VPS50: variants seen among roughly 807,000 people sequenced by gnomAD.
The protein encoded by VPS50 is VPS50 subunit of EARP/GARPII complex.
VPS50 carries 70 observed loss-of-function variants against 139.7 expected under a neutral mutation model. The observed-to-expected ratio is 0.50, with a 90% confidence interval of 0.41 to 0.61. VPS50 has a LOEUF of 0.61. Ranked by LOEUF, VPS50 falls within the 20% of genes least tolerant of loss-of-function variation. The pLI, the probability that VPS50 is intolerant of heterozygous loss-of-function variation, is 0.00. For missense variants in VPS50, 921 were observed against 1,133.7 expected (o/e 0.81, Z 2.69); for synonymous variants, 365 against 376.7 (o/e 0.97, Z 0.36).
chr7:93,318,932 A>G (rs1176795358), intron 20 of VPS50, among the ~76,000 whole-genome samples: 1 of 152,066 alleles, frequency 6.6e-6, no homozygotes, highest in Non-Finnish European at 1.5e-5. Flanking sequence ...ATTTAAGAAA[A>G]TATTTATTTT....
At chr7:93,357,071 G>A (rs1260829862) in intron 27 of VPS50, among the ~76,000 whole-genome samples, 1 of 152,086 alleles carries the variant, frequency 6.6e-6, no homozygotes, top group African/African-American at 2.4e-5. Context: ...ACTTCACCAC[G>A]TTTAGCCCCA....
At chr7:93,276,111 A>C (rs1190877906) in intron 11 of VPS50, 54 bp from the exon 12 acceptor site, 1 of 1,467,122 alleles carries the variant, frequency 6.8e-7, no homozygotes. Flanking sequence ...ATTTGTTGAA[A>C]TTTATTTATT....
chr7:93,237,749 T>A (rs189086415), intron 1 of VPS50, among the ~76,000 whole-genome samples: 6 of 152,256 alleles, frequency 3.9e-5, no homozygotes, highest in African/African-American at 9.6e-5. Flanking sequence ...GGTTTAAAAA[T>A]TTTTTTTATT....
At chr7:93,299,361 T>C (rs1416600709) in intron 16 of VPS50, among the ~76,000 whole-genome samples, 1 of 152,188 alleles carries the variant, frequency 6.6e-6, no homozygotes, top group Non-Finnish European at 1.5e-5. Context: ...ATCTGCAAAA[T>C]CCCAATTTAA....
rs1221730577 is a variant in VPS50, at chr7:93,349,896, C to T, written c.2326C>T (p.Leu776=). The change falls in exon 25 of 28, where the codon CTA becomes TTA. Residue 776 remains leucine, a synonymous_variant. Transcript: ENST00000305866. ...YSQTVSTASE[L]RKPIYWIVAG... ...TCAGACAGTCTCAACCGCCAGTGAA[C>T]TACGGAAACCAATTTACTGGATTGT... 2 of 1,612,818 alleles carry T rather than the reference C, an allele frequency of 1.2e-6. No homozygotes were observed. The highest frequency in any genetic ancestry group is 1.7e-6 in the Non-Finnish European group (2 of 1,179,442).
chr7:93,263,720 C>A (rs1795755690), intron 9 of VPS50, among the ~76,000 whole-genome samples: 1 of 152,104 alleles, frequency 6.6e-6, no homozygotes, highest in South Asian at 2.1e-4. Flanking sequence ...GACTCTATAT[C>A]TTGTAAGTCT....
Position 93,232,397 on chromosome 7 carries a change from G to C in VPS50, c.-71G>C. Reference sequence around the variant, plus strand: ...ACCCACTATGGCTTCCTAGTGTCAGGGCCAGCTGTGTAGTGGCTCGGTGTG... The same window carrying C: ...ACCCACTATGGCTTCCTAGTGTCAGCGCCAGCTGTGTAGTGGCTCGGTGTG... On this transcript the variant is annotated 5_prime_UTR_variant, in exon 1 of 28. Coordinates refer to ENST00000305866, the MANE Select transcript of VPS50 (RefSeq NM_017667.4). 1 of 1,336,320 alleles carries C rather than the reference G, an allele frequency of 7.5e-7. No homozygotes were observed. Among genetic ancestry groups the C allele is most frequent in the South Asian group, 1.2e-5 (1 of 85,360 alleles). 82.8% of individuals were successfully genotyped at this position (1,336,320 alleles called of 1,614,324 possible). A position where few individuals can be genotyped will look rare whatever the true frequency, so the allele number is the denominator to read the frequency against.
At chr7:93,233,717 C>A (rs1794709568) in intron 1 of VPS50, among the ~76,000 whole-genome samples, 1 of 152,222 alleles carries the variant, frequency 6.6e-6, no homozygotes, top group Admixed American at 6.5e-5. Flanking sequence ...CTACTTCTTA[C>A]TTGACGATGA....
At chr7:93,313,790 G>C (rs1169172111) in intron 20 of VPS50, among the ~76,000 whole-genome samples, 1 of 152,040 alleles carries the variant, frequency 6.6e-6, no homozygotes, top group Non-Finnish European at 1.5e-5. Flanking sequence ...GCACAGTCCT[G>C]AATAAAGCCT....
Position 93,232,396 on chromosome 7 carries a change from G to A in VPS50, c.-72G>A. ...CACCCACTATGGCTTCCTAGTGTCAGGGCCAGCTGTGTAGTGGCTCGGTGT... is the reference window on the plus strand; with the variant it reads ...CACCCACTATGGCTTCCTAGTGTCAAGGCCAGCTGTGTAGTGGCTCGGTGT... On this transcript the variant is annotated 5_prime_UTR_variant, in exon 1 of 28. Coordinates refer to ENST00000305866, the MANE Select transcript of VPS50 (RefSeq NM_017667.4). The A allele has an allele frequency of 7.5e-7, 1 of 1,332,122 alleles. No individual in the cohort carries two copies. 82.5% of individuals were successfully genotyped at this position (1,332,122 alleles called of 1,614,324 possible). A position where few individuals can be genotyped will look rare whatever the true frequency, so the allele number is the denominator to read the frequency against.
intron 2 of VPS50, chr7:93,246,146 C>T (rs982229054): frequency 1.7e-5 from 24 of 1,424,490 alleles, no homozygotes; most frequent in East Asian, 2.5e-5. Context: ...TTATAGCTTC[C>T]GTTTTCCCTA....
chr7:93,245,431 T>C (rs1299037186), intron 2 of VPS50, among the ~76,000 whole-genome samples: 1 of 151,838 alleles, frequency 6.6e-6, no homozygotes, highest in Non-Finnish European at 1.5e-5. Flanking sequence ...TTGTTTTCTT[T>C]TAGAGAAAGT....
chr7:93,239,967 A>T, intron 2 of VPS50, 33 bp downstream of exon 2: 4 of 1,280,828 alleles, frequency 3.1e-6, no homozygotes, highest in Non-Finnish European at 4.5e-6. Context: ...GTGACTTTTT[A>T]CTTCCTTAAG....
chr7:93,330,414 G>A (rs1453845107), intron 21 of VPS50, among the ~76,000 whole-genome samples: 1 of 152,008 alleles, frequency 6.6e-6, no homozygotes, highest in Non-Finnish European at 1.5e-5. Context: ...TGTCAGAATG[G>A]ATTAAAAACA....
intron 2 of VPS50, among the ~76,000 whole-genome samples, chr7:93,242,203 T>C (rs1037595881): frequency 6.6e-6 from 1 of 151,762 alleles, no homozygotes; most frequent in African/African-American, 2.4e-5. Flanking sequence ...TTTCTAGGGA[T>C]TGGCAGTATA....
At chr7:93,326,187 T>C (rs1346430832) in intron 21 of VPS50, among the ~76,000 whole-genome samples, 1 of 150,638 alleles carries the variant, frequency 6.6e-6, no homozygotes, top group East Asian at 2.0e-4. Flanking sequence ...CTCAGTAAAC[T>C]ATCACAAGGA....
At chr7:93,356,291 C>T in intron 27 of VPS50, 1 of 289,216 alleles carries the variant, frequency 3.5e-6, no homozygotes, top group Non-Finnish European at 6.4e-6. Flanking sequence ...TCTTTTTCAG[C>T]CCTTTGTGAA....
chr7:93,322,187 ATAAAT>A (rs1423298321), intron 20 of VPS50, among the ~76,000 whole-genome samples: 2 of 152,248 alleles, frequency 1.3e-5, no homozygotes, highest in Non-Finnish European at 2.9e-5. Context: ...CATTTCTCAC[ATAAAT>A]TAAGAAAGAC....
At chr7:93,307,283 CAT>C (rs1467306319) in intron 18 of VPS50, among the ~76,000 whole-genome samples, 1 of 151,868 alleles carries the variant, frequency 6.6e-6, no homozygotes, top group African/African-American at 2.4e-5. Context: ...ATCAGACACA[CAT>C]ATTTTGTTTC....
Sources: allele counts gnomAD v4.1 joint callset (sites outside exome capture counted in the v4.1 genomes callset), GRCh38; gene constraint gnomAD v4.1.1; transcripts MANE v1.5; gene names NCBI Gene and HGNC (gene_info 2026-07-23, HGNC 2026-07-21).